KIF1A: variants seen among roughly 807,000 people sequenced by gnomAD.
KIF1A encodes kinesin-like protein KIF1A.
Under a neutral mutation model 227.3 loss-of-function variants are expected in KIF1A, and 46 were observed. The observed-to-expected ratio is 0.20, with a 90% CI of 0.16 to 0.26. The LOEUF (loss-of-function observed/expected upper bound fraction) is 0.26. KIF1A is among the 10% of genes least tolerant of loss of function. The pLI, the probability that KIF1A is intolerant of heterozygous loss-of-function variation, is 1.00. For missense variants in KIF1A, 1,683 were observed against 2,485.9 expected (o/e 0.68, Z 6.87); for synonymous variants, 1,022 against 1,012.8 (o/e 1.01, Z -0.17).
In KIF1A at chr2:240,787,240, G is replaced by C. The variant is rs1225790079; in HGVS notation, c.429+11C>G. 6.2e-7 allele frequency: 1 copy of C among 1,610,412 alleles called. No homozygotes were observed. Among genetic ancestry groups the C allele is most frequent in the Admixed American group, 1.7e-5 (1 of 59,986 alleles). ...CTGCCCCAGCGGCCAACGGCAGGCG[G>C]GGAGCCCTACCTCCACGGAGTAGGA... On this transcript the variant is annotated intron_variant, in intron 5 of 48. Coordinates refer to ENST00000498729, the MANE Select transcript of KIF1A (RefSeq NM_001244008.2).
At position 240,714,863 on chromosome 2, in the gene KIF1A, C is replaced by T. The variant is rs1200607329; in HGVS notation, c.*2501G>A. On this transcript the variant is annotated 3_prime_UTR_variant, in exon 49 of 49. Coordinates refer to ENST00000498729, the MANE Select transcript of KIF1A (RefSeq NM_001244008.2). ...GGCTCTGGGTCCTAGCCAAGGCCAA[C>T]ACGGCACCTGGCTGAGAGGACACAG... is the stretch of plus-strand genomic sequence containing the variant. The T allele has an allele frequency of 1.3e-5, 2 of 152,270 alleles. No homozygotes were observed. Among genetic ancestry groups the T allele is most frequent in the Non-Finnish European group, 2.9e-5 (2 of 68,096 alleles). 9.4% of individuals were successfully genotyped at this position (152,270 alleles called of 1,614,324 possible). A position where few individuals can be genotyped will look rare whatever the true frequency, so the allele number is the denominator to read the frequency against.
intron 7 of KIF1A, among the ~76,000 whole-genome samples, chr2:240,784,593 C>T (rs1465291460): frequency 2.6e-5 from 4 of 152,224 alleles, no homozygotes; most frequent in African/African-American, 7.2e-5. Flanking sequence ...CACACGGCTG[C>T]CTGAGCGAGC....
At chr2:240,742,265 A>G (rs2048065477) in intron 34 of KIF1A, among the ~76,000 whole-genome samples, 1 of 152,090 alleles carries the variant, frequency 6.6e-6, no homozygotes, top group African/African-American at 2.4e-5. Context: ...GCAGCTTCTC[A>G]CACAGGCCCC....
At position 240,778,120 on chromosome 2, in the gene KIF1A, G is replaced by C. The variant is rs1043359258; in HGVS notation, c.883-2194C>G. 6.6e-6 allele frequency among the ~76,000 whole-genome samples: 1 copy of C among 151,710 alleles called. No homozygotes were observed. Among genetic ancestry groups the C allele is most frequent in the Non-Finnish European group, 1.5e-5 (1 of 67,944 alleles). On this transcript the variant is annotated intron_variant, in intron 10 of 48. Transcript: ENST00000498729. The surrounding 1 kb of genome is among the most constrained non-coding windows in gnomAD (Gnocchi z 7.2). ...CACGGTTCTTCACGCAGCTCCTCCT[G>C]CTTCCCCCTTTATTCCTCCATTCAG...
chr2:240,785,181 C>A (rs1038947601), intron 6 of KIF1A, 81 bp from the exon 7 acceptor site: 15 of 1,185,596 alleles, frequency 1.3e-5, no homozygotes, highest in Non-Finnish European at 1.8e-5. Flanking sequence ...GCCCTCTGAA[C>A]CAGGTCATCG....
intron 1 of KIF1A, among the ~76,000 whole-genome samples, chr2:240,808,509 AT>A (rs35916226): frequency 2.1e-3 from 48 of 22,694 alleles, no homozygotes; most frequent in Non-Finnish European, 3.5e-3. Context: ...AAAAAAAAAA[AT>A]TTTTTTTTTT....
At position 240,762,364 on chromosome 2, in the gene KIF1A, G is replaced by A. The variant is rs79865561; in HGVS notation, c.2116+355C>T. On this transcript the variant is annotated intron_variant, in intron 23 of 48. Transcript: ENST00000498729. Reference sequence around the variant, plus strand: ...GGTCAGCAGGATGGGAAGAGTGGACGCATGAGCATGGTGAGCCCCTACCAG... The same window carrying A: ...GGTCAGCAGGATGGGAAGAGTGGACACATGAGCATGGTGAGCCCCTACCAG... 3.7e-4 allele frequency among the ~76,000 whole-genome samples: 56 copies of A among 152,332 alleles called. No individual in the cohort carries two copies. The East Asian group carries it at 8.3e-3, about 23-fold the overall frequency.
At chr2:240,718,529 G>A (rs1295938147) in intron 47 of KIF1A, among the ~76,000 whole-genome samples, 5 of 152,220 alleles carry the variant, frequency 3.3e-5, no homozygotes, top group East Asian at 3.8e-4. Flanking sequence ...CACTGGGGCC[G>A]CCTCCAGATG....
Position 240,726,784 on chromosome 2 carries a change from G to A in KIF1A, c.4122+42C>T, listed in dbSNP as rs1482604447. The A allele has an allele frequency of 3.3e-6, 4 of 1,215,904 alleles. No individual in the cohort carries two copies. Among genetic ancestry groups the A allele is most frequent in the Non-Finnish European group, 4.8e-6 (4 of 832,150 alleles). 75.3% of individuals were successfully genotyped at this position (1,215,904 alleles called of 1,614,324 possible). On this transcript the variant is annotated intron_variant, in intron 39 of 48. Transcript: ENST00000498729. The surrounding 1 kb of genome is among the most constrained non-coding windows in gnomAD (Gnocchi z 5.2). Reference sequence around the variant, plus strand: ...CTTACAAGAACCTCAAGCTTCAGGGGCTGAGTGGTTTTGGTGGAGTGCCCT... The same window carrying A: ...CTTACAAGAACCTCAAGCTTCAGGGACTGAGTGGTTTTGGTGGAGTGCCCT...
rs1396803276 is a variant in KIF1A at position 240,751,511 on chromosome 2, C to A, written c.2859-964G>T. Among the ~76,000 whole-genome samples the A allele has an allele frequency of 2.0e-5, 3 of 152,172 alleles. No individual in the cohort carries two copies. In the East Asian group the frequency reaches 5.8e-4, roughly 29 times the overall value. On this transcript the variant is annotated intron_variant, in intron 27 of 48. Transcript: ENST00000498729. ...CCCTCCACACCCTAATACCCCTGAC[C>A]TTCCTGCAGCAGCAAGTCAGAAACC...
At chr2:240,800,146 A>ACT (rs1559540697) in intron 1 of KIF1A, among the ~76,000 whole-genome samples, 1 of 150,286 alleles carries the variant, frequency 6.7e-6, no homozygotes. Flanking sequence ...ACACACACAC[A>ACT]CTAAAGAAAA....
chr2:240,769,802 C>T (rs780398045), intron 15 of KIF1A, 96 bp from the exon 16 acceptor site: 240 of 979,546 alleles, frequency 2.5e-4, no homozygotes, highest in Middle Eastern at 8.6e-4. Flanking sequence ...CTGCAAAGCA[C>T]AAGCGCCATA....
intron 1 of KIF1A, among the ~76,000 whole-genome samples, chr2:240,808,898 T>C (rs2057650236): frequency 6.6e-5 from 10 of 151,750 alleles, no homozygotes; most frequent in Admixed American, 6.6e-4. Flanking sequence ...GCCCGGCTAA[T>C]TTTTTGTATT....
intron 15 of KIF1A, among the ~76,000 whole-genome samples, chr2:240,770,150 G>A (rs918612317): frequency 6.6e-5 from 10 of 152,112 alleles, no homozygotes; most frequent in Non-Finnish European, 1.3e-4. Flanking sequence ...GCCCAACCTC[G>A]CCCCCATCCC....
chr2:240,743,661 T>G (rs925799365), intron 33 of KIF1A, among the ~76,000 whole-genome samples: 2 of 152,134 alleles, frequency 1.3e-5, no homozygotes, highest in African/African-American at 4.8e-5. Flanking sequence ...CCCAGCATCC[T>G]ACAGCTGGCA....
intron 1 of KIF1A, among the ~76,000 whole-genome samples, chr2:240,815,063 C>A (rs554808319): frequency 1.3e-5 from 2 of 152,362 alleles, no homozygotes; most frequent in South Asian, 4.1e-4. Context: ...GCAGCCACTA[C>A]TTGTCCTAGA....
Position 240,798,720 on chromosome 2 carries a change from C to T in KIF1A, c.-60-908G>A, listed in dbSNP as rs986297346. On this transcript the variant is annotated intron_variant, in intron 1 of 48. Coordinates refer to ENST00000498729, the MANE Select transcript of KIF1A (RefSeq NM_001244008.2). ...TTCCGGGCTGACCAGCCAGATGCTG[C>T]TGCTTCCCCGTGGGACTTGCGGCCT... Among the ~76,000 whole-genome samples the T allele has an allele frequency of 4.6e-5, 7 of 152,240 alleles. 1 individual carries two copies. Among genetic ancestry groups the T allele is most frequent in the Admixed American group, 3.3e-4 (5 of 15,286 alleles).
rs373989269 is a variant in KIF1A at position 240,737,187 on chromosome 2, G to A, written c.3902-19C>T. 3.0e-5 allele frequency: 48 copies of A among 1,606,144 alleles called. No homozygotes were observed. Among genetic ancestry groups the A allele is most frequent in the East Asian group, 8.9e-5 (4 of 44,810 alleles). ...ATGCGGCCTGCAGAAAAGGCAACGG[G>A]CCACAGGTCACTTCCCAGGGGGCAG... On this transcript the variant is annotated intron_variant, in intron 37 of 48. Coordinates refer to ENST00000498729, the MANE Select transcript of KIF1A (RefSeq NM_001244008.2).
chr2:240,757,564 A>G lies in KIF1A; in HGVS notation c.2613T>C (p.Pro871=). The G allele has an allele frequency of 6.7e-7, 1 of 1,495,684 alleles. No individual in the cohort carries two copies. Among genetic ancestry groups the G allele is most frequent in the Non-Finnish European group, 9.0e-7 (1 of 1,113,324 alleles). 92.7% of individuals were successfully genotyped at this position (1,495,684 alleles called of 1,614,324 possible). A position where few individuals can be genotyped will look rare whatever the true frequency, so the allele number is the denominator to read the frequency against. Residue 871 remains proline (P), a synonymous_variant, in exon 27 of 49, where the codon CCT becomes CCC. Transcript: ENST00000498729. The surrounding 1 kb of genome is among the most constrained non-coding windows in gnomAD (Gnocchi z 6.2). The part of the protein sequence containing the change: ...SSAISGCNSY[P]LLNTCMSERM... ...GCTCGCTCATGCATGTGTTGAGAAG[A>G]GGGTAGCTGTTGCAGCCAGAGATGG...
Sources: gnomAD v4.1 joint callset for allele counts (sites outside exome capture counted in the v4.1 genomes callset) on GRCh38, gnomAD v4.1.1 for gene constraint, Gnocchi (gnomAD v3.1) non-coding constraint, MANE v1.5 for transcripts, NCBI Gene and HGNC (gene_info 2026-07-23, HGNC 2026-07-21) for gene names.